Variants in CDH18 observed in about 807,000 individuals in gnomAD.
The protein encoded by CDH18 is cadherin-18.
A neutral mutation model predicts 67.9 loss-of-function variants in CDH18; 31 were observed. The observed-to-expected ratio is 0.46, with a 90% CI of 0.34 to 0.62. The LOEUF (loss-of-function observed/expected upper bound fraction) is 0.62. CDH18 is among the 20% of genes least tolerant of loss of function. CDH18 has a pLI of 0.01. For missense variants in CDH18, 890 were observed against 975.5 expected (o/e 0.91, Z 1.17); for synonymous variants, 362 against 347.2 (o/e 1.04, Z -0.48).
At chr5:20,181,717 T>A (rs1246424537) in intron 2 of CDH18, among the ~76,000 whole-genome samples, 2 of 152,118 alleles carry the variant, frequency 1.3e-5, no homozygotes, top group Admixed American at 1.3e-4. Context: ...GACAATACTA[T>A]CAGTTATCCA....
intron 1 of CDH18, among the ~76,000 whole-genome samples, chr5:20,316,706 T>C (rs556918124): frequency 1.3e-5 from 2 of 152,080 alleles, no homozygotes; most frequent in Admixed American, 6.6e-5. Context: ...AAGAGAGATA[T>C]GATAGTAAAG....
chr5:19,612,294 C>T, intron 6 of CDH18, 140 bp downstream of exon 6: 4 of 728,786 alleles, frequency 5.5e-6, no homozygotes, highest in South Asian at 4.0e-5. Flanking sequence ...ATGAGTCTTA[C>T]ATGAAGAAGG....
chr5:20,142,108 G>T (rs907179835), intron 2 of CDH18, among the ~76,000 whole-genome samples: 1 of 152,050 alleles, frequency 6.6e-6, no homozygotes. Flanking sequence ...GGTAGAGGAA[G>T]AGGAAGCAAA....
intron 1 of CDH18, among the ~76,000 whole-genome samples, chr5:20,550,006 A>AGACTGTAT (rs1213193646): frequency 6.6e-6 from 1 of 152,180 alleles, no homozygotes; most frequent in Non-Finnish European, 1.5e-5. Flanking sequence ...TGAAATGCAC[A>AGACTGTAT]GACTGTATTT....
intron 5 of CDH18, among the ~76,000 whole-genome samples, chr5:19,700,124 T>A (rs1763046660): frequency 6.6e-6 from 1 of 152,190 alleles, no homozygotes; most frequent in Non-Finnish European, 1.5e-5. Context: ...GTAGCAATCA[T>A]CTTATACTCC....
chr5:19,992,526 C>A (rs866271630), upstream of CDH18, among the ~76,000 whole-genome samples: 21 of 149,444 alleles, frequency 1.4e-4, no homozygotes, highest in South Asian at 2.1e-3. Context: ...TAGAGTTAAG[C>A]AAATATTTTC....
chr5:19,487,516 T>C (rs528899348), intron 11 of CDH18, among the ~76,000 whole-genome samples: 1 of 152,324 alleles, frequency 6.6e-6, no homozygotes, highest in South Asian at 2.1e-4. Context: ...ATGTCATATA[T>C]GAATTTTGTT....
intron 2 of CDH18, among the ~76,000 whole-genome samples, chr5:20,236,595 A>G (rs1477428286): frequency 6.6e-6 from 1 of 152,086 alleles, no homozygotes; most frequent in Non-Finnish European, 1.5e-5. Flanking sequence ...TTTGGATTAA[A>G]TAAACAAATT....
intron 3 of CDH18, among the ~76,000 whole-genome samples, chr5:19,798,733 TTA>T (rs1277530381): frequency 6.6e-6 from 1 of 152,086 alleles, no homozygotes; most frequent in East Asian, 1.9e-4. Flanking sequence ...GTTTTAAAGC[TTA>T]GTGTTTTTAT....
At chr5:19,700,603 G>T (rs1231184498) in intron 5 of CDH18, among the ~76,000 whole-genome samples, 1 of 152,160 alleles carries the variant, frequency 6.6e-6, no homozygotes, top group Non-Finnish European at 1.5e-5. Context: ...TTTAATGTGT[G>T]CATTTGCTCT....
intron 2 of CDH18, among the ~76,000 whole-genome samples, chr5:20,196,119 G>A (rs1738953750): frequency 1.3e-5 from 2 of 152,078 alleles, no homozygotes; most frequent in African/African-American, 2.4e-5. Flanking sequence ...AGTGAGAGAC[G>A]GCAAGGCAGG....
At chr5:19,629,662 C>G (rs1219299385) in intron 5 of CDH18, among the ~76,000 whole-genome samples, 1 of 152,118 alleles carries the variant, frequency 6.6e-6, no homozygotes, top group Non-Finnish European at 1.5e-5. Context: ...GCATATATTA[C>G]TTTGTCTGTT....
chr5:19,637,281 G>A (rs1379609069), intron 5 of CDH18, among the ~76,000 whole-genome samples: 1 of 151,504 alleles, frequency 6.6e-6, no homozygotes, highest in Non-Finnish European at 1.5e-5. Context: ...CTGTGGAATG[G>A]TTAAATTGAA....
At chr5:20,284,074 G>C (rs1459408959) in intron 1 of CDH18, among the ~76,000 whole-genome samples, 1 of 152,006 alleles carries the variant, frequency 6.6e-6, no homozygotes, top group East Asian at 1.9e-4. Flanking sequence ...TGGAGATGGA[G>C]AGTAGAATGA....
chr5:20,530,299 G>A lies in CDH18; in HGVS notation c.-580+45163C>T, dbSNP rs116812477. 1.7e-3 allele frequency among the ~76,000 whole-genome samples: 253 copies of A among 151,876 alleles called. 1 individual carries two copies. Among genetic ancestry groups the A allele is most frequent in the African/African-American group, 5.9e-3 (245 of 41,378 alleles). On this transcript the variant is annotated intron_variant, in intron 1 of 14. Coordinates refer to the CDH18 transcript ENST00000507958. Reference sequence around the variant, plus strand: ...TAGGAAGAATCAATATGAAAATGGCGATGCTGCCCAAAGCAATGTATAGAT... The same window carrying A: ...TAGGAAGAATCAATATGAAAATGGCAATGCTGCCCAAAGCAATGTATAGAT...
chr5:19,562,453 AAAAAC>A (rs1739622628), intron 8 of CDH18, among the ~76,000 whole-genome samples: 1 of 152,166 alleles, frequency 6.6e-6, no homozygotes, highest in African/African-American at 2.4e-5. Context: ...AAAGCAAACA[AAAAAC>A]AAAAAGAAGT....
At chr5:19,810,578 A>G (rs141872913) in intron 3 of CDH18, among the ~76,000 whole-genome samples, 27 of 152,064 alleles carry the variant, frequency 1.8e-4, no homozygotes, top group African/African-American at 6.3e-4. Flanking sequence ...GAACAAAGCA[A>G]ATCAATATAT....
chr5:19,841,319 T>C (rs1320496013), intron 2 of CDH18, among the ~76,000 whole-genome samples: 1 of 152,174 alleles, frequency 6.6e-6, no homozygotes, highest in Non-Finnish European at 1.5e-5. Context: ...AATACTATTC[T>C]AGCTTCAAAA....
At chr5:19,942,090 C>G (rs1447406464) in intron 2 of CDH18, among the ~76,000 whole-genome samples, 1 of 151,952 alleles carries the variant, frequency 6.6e-6, no homozygotes, top group African/African-American at 2.4e-5. Flanking sequence ...ACCTAAAGAG[C>G]AGATAAATAA....
Sources: gnomAD v4.1 joint callset for allele counts (sites outside exome capture counted in the v4.1 genomes callset) on GRCh38, gnomAD v4.1.1 for gene constraint, MANE v1.5 for transcripts, NCBI Gene and HGNC (gene_info 2026-07-23, HGNC 2026-07-21) for gene names.